GNAO1: variants seen among roughly 807,000 people sequenced by gnomAD.
The protein encoded by GNAO1 is guanine nucleotide-binding protein G(o) subunit alpha.
For synonymous variants in GNAO1, 164 were observed against 180.7 expected (o/e 0.91, Z 0.74); for missense variants, 166 against 478.7 (o/e 0.35, Z 6.10).
chr16:56,202,375 C>T (rs1365701481), intron 2 of GNAO1, among the ~76,000 whole-genome samples: 2 of 152,180 alleles, frequency 1.3e-5, no homozygotes, highest in Non-Finnish European at 2.9e-5. Flanking sequence ...GAACCCCCCT[C>T]CCAGCCCAAA....
chr16:56,227,160 A>G (rs1382178512), intron 2 of GNAO1, among the ~76,000 whole-genome samples: 1 of 151,764 alleles, frequency 6.6e-6, no homozygotes, highest in Non-Finnish European at 1.5e-5. Flanking sequence ...TTTGTTTTTT[A>G]AAGAAAACAA....
chr16:56,336,134 G>T (rs949633720), intron 5 of GNAO1, among the ~76,000 whole-genome samples: 5 of 152,236 alleles, frequency 3.3e-5, no homozygotes, highest in African/African-American at 4.8e-5. Flanking sequence ...CCCCTCGGGA[G>T]TAGAGTCTGA....
chr16:56,217,682 G>C (rs139619773), intron 2 of GNAO1, among the ~76,000 whole-genome samples: 5 of 152,168 alleles, frequency 3.3e-5, no homozygotes, highest in Non-Finnish European at 7.3e-5. Flanking sequence ...ATTATAACAT[G>C]AGTTAGGTAT....
rs1361235047 is a variant in GNAO1 at position 56,354,209 on chromosome 16, T to C, written c.878-657T>C. On this transcript the variant is annotated intron_variant, in intron 7 of 8. Coordinates refer to ENST00000262493, the MANE Select transcript of GNAO1 (RefSeq NM_020988.3). This position sits in a 1 kb window ranked among gnomAD's most constrained non-coding sequence, Gnocchi z 4.3. ...ACCATGGGGCGGTGCCTCAATTTGCTCATCTAGGAAGCAAAAGCGTTCATC... is the reference window on the plus strand; with the variant it reads ...ACCATGGGGCGGTGCCTCAATTTGCCCATCTAGGAAGCAAAAGCGTTCATC... 6.6e-6 allele frequency among the ~76,000 whole-genome samples: 1 copy of C among 152,186 alleles called. No homozygotes were observed. The highest frequency in any genetic ancestry group is 1.5e-5 in the Non-Finnish European group (1 of 68,044).
intron 2 of GNAO1, among the ~76,000 whole-genome samples, chr16:56,258,821 A>G (rs1362041498): frequency 6.6e-6 from 1 of 152,194 alleles, no homozygotes; most frequent in Non-Finnish European, 1.5e-5. Flanking sequence ...GGGGCAGGCA[A>G]TAGCTCTTGG....
intron 2 of GNAO1, among the ~76,000 whole-genome samples, chr16:56,261,607 T>C (rs2036904039): frequency 6.6e-6 from 1 of 152,318 alleles, no homozygotes; most frequent in African/African-American, 2.4e-5. Flanking sequence ...AAATTCCTCA[T>C]GTTTTGGGGT....
chr16:56,236,139 T>G (rs746612362), intron 2 of GNAO1, among the ~76,000 whole-genome samples: 1 of 152,238 alleles, frequency 6.6e-6, no homozygotes, highest in Non-Finnish European at 1.5e-5. Context: ...TTCCTAAAGA[T>G]GATGAACTGG....
chr16:56,306,407 A>G (rs2587886), intron 3 of GNAO1, among the ~76,000 whole-genome samples: 6,120 of 152,250 alleles, frequency 0.04, 409 homozygotes, highest in African/African-American at 0.14. Flanking sequence ...CCGCTCCTTC[A>G]GGGTTTCCTC....
intron 2 of GNAO1, among the ~76,000 whole-genome samples, chr16:56,268,856 A>G (rs777269169): frequency 5.5e-4 from 84 of 152,244 alleles, no homozygotes; most frequent in Middle Eastern, 3.4e-3. Flanking sequence ...GGTTCTGTGG[A>G]GCCCCCAATT....
intron 2 of GNAO1, among the ~76,000 whole-genome samples, chr16:56,196,471 T>C (rs1451553100): frequency 1.3e-5 from 2 of 152,178 alleles, no homozygotes; most frequent in African/African-American, 4.8e-5. Context: ...CCATAACAAG[T>C]TGTAATTTTA....
At chr16:56,206,086 T>C (rs1014675136) in intron 2 of GNAO1, among the ~76,000 whole-genome samples, 2 of 152,140 alleles carry the variant, frequency 1.3e-5, no homozygotes, top group African/African-American at 2.4e-5. Context: ...TTTGGGAGGC[T>C]GAGGTGGGCG....
At chr16:56,224,019 A>C (rs2036513150) in intron 2 of GNAO1, among the ~76,000 whole-genome samples, 1 of 152,210 alleles carries the variant, frequency 6.6e-6, no homozygotes, top group Non-Finnish European at 1.5e-5. Context: ...CAAGCCTTTC[A>C]TCTTATACCT....
At chr16:56,320,360 G>C (rs1405376764) in intron 3 of GNAO1, among the ~76,000 whole-genome samples, 1 of 152,180 alleles carries the variant, frequency 6.6e-6, no homozygotes, top group Non-Finnish European at 1.5e-5. Flanking sequence ...GGCCATCCCT[G>C]TGCTAAGTGC....
intron 6 of GNAO1, chr16:56,346,011 C>T (rs1210495774): frequency 2.0e-6 from 2 of 984,972 alleles, no homozygotes; most frequent in East Asian, 2.3e-4. Flanking sequence ...TCCAGGCCTT[C>T]CCTGTCCCTA....
intron 3 of GNAO1, among the ~76,000 whole-genome samples, chr16:56,321,522 A>G (rs1348639123): frequency 6.6e-6 from 1 of 152,100 alleles, no homozygotes; most frequent in Non-Finnish European, 1.5e-5. Context: ...TTCTTTGTCC[A>G]CCCCAGACTC....
intron 4 of GNAO1, 194 bp downstream of exon 4, chr16:56,328,985 G>C: frequency 1.7e-6 from 1 of 582,656 alleles, no homozygotes. Context: ...GGAGGAGAAA[G>C]AGGCCAGAGG....
chr16:56,281,810 C>T (rs117259251), intron 3 of GNAO1, among the ~76,000 whole-genome samples: 329 of 152,294 alleles, frequency 2.2e-3, no homozygotes, highest in Non-Finnish European at 3.8e-3. Flanking sequence ...TGAACAATTA[C>T]AGGATTAGAA....
intron 3 of GNAO1, among the ~76,000 whole-genome samples, chr16:56,327,124 G>A (rs1293809863): frequency 3.3e-5 from 5 of 152,076 alleles, no homozygotes; most frequent in African/African-American, 1.2e-4. Flanking sequence ...GCTGTCTACT[G>A]AGCCTCTCCT....
intron 6 of GNAO1, chr16:56,346,424 A>G: frequency 1.0e-6 from 1 of 985,408 alleles, no homozygotes; most frequent in Non-Finnish European, 1.2e-6. Flanking sequence ...ACTGATTTCT[A>G]CGAAGAGCGT....
Sources: allele counts gnomAD v4.1 joint callset (sites outside exome capture counted in the v4.1 genomes callset), GRCh38; gene constraint gnomAD v4.1.1; non-coding constraint Gnocchi (gnomAD v3.1); transcripts MANE v1.5; gene names NCBI Gene and HGNC (gene_info 2026-07-23, HGNC 2026-07-21).